SMIM41: variants seen among roughly 807,000 people sequenced by gnomAD.
SMIM41 encodes the protein small integral membrane protein 41.
chr12:52,099,861 C>T (rs907303819), intron 2 of SMIM41, among the ~76,000 whole-genome samples: 7 of 151,854 alleles, frequency 4.6e-5, no homozygotes, highest in African/African-American at 9.7e-5. Context: ...TATCCTCTCC[C>T]GCCCTGAATA....
At position 52,081,064 on chromosome 12, in the gene SMIM41, G is replaced by A. The variant is rs764468492; in HGVS notation, c.*120+883G>A. Among the ~76,000 whole-genome samples the A allele has an allele frequency of 2.0e-5, 3 of 152,132 alleles. No individual in the cohort carries two copies. Among genetic ancestry groups the A allele is most frequent in the Non-Finnish European group, 4.4e-5 (3 of 67,978 alleles). ...GGGTGTCTCCCTCTGTCTCTCCAAGGACAGGAGCCATCTGGAGGGAAGGGC... is the reference window on the plus strand; with the variant it reads ...GGGTGTCTCCCTCTGTCTCTCCAAGAACAGGAGCCATCTGGAGGGAAGGGC... On this transcript the variant is annotated intron_variant, in intron 1 of 2. Coordinates refer to ENST00000546390, the MANE Select transcript of SMIM41 (RefSeq NM_001369216.1). This position sits in a 1 kb window ranked among gnomAD's most constrained non-coding sequence, Gnocchi z 4.1.
intron 2 of SMIM41, among the ~76,000 whole-genome samples, chr12:52,104,514 G>A (rs1309333196): frequency 6.6e-6 from 1 of 152,124 alleles, no homozygotes; most frequent in African/African-American, 2.4e-5. Context: ...CCAGCAGAGG[G>A]GAAGGGCAGT....
chr12:52,105,214 C>A (rs2120731173), intron 2 of SMIM41, among the ~76,000 whole-genome samples: 1 of 152,320 alleles, frequency 6.6e-6, no homozygotes, highest in South Asian at 2.1e-4. Context: ...GTGGGTGCCA[C>A]AATCACTGTG....
intron 2 of SMIM41, among the ~76,000 whole-genome samples, chr12:52,091,510 TGCA>T (rs1162916429): frequency 1.3e-5 from 2 of 152,246 alleles, no homozygotes; most frequent in African/African-American, 4.8e-5. Context: ...TGGACCGGTT[TGCA>T]TGATAAGAGC....
At chr12:52,103,382 A>C (rs926541879) in intron 2 of SMIM41, among the ~76,000 whole-genome samples, 65 of 150,338 alleles carry the variant, frequency 4.3e-4, no homozygotes, top group Non-Finnish European at 3.4e-4. Context: ...ACCAAAAAAC[A>C]AAACAGACAG....
intron 2 of SMIM41, among the ~76,000 whole-genome samples, chr12:52,086,494 A>G (rs944991729): frequency 3.3e-5 from 5 of 152,204 alleles, no homozygotes; most frequent in Non-Finnish European, 7.3e-5. Flanking sequence ...AAAATAAAAC[A>G]AACACGCAAA....
intron 2 of SMIM41, chr12:52,087,579 C>T (rs962324686): frequency 1.3e-5 from 2 of 152,498 alleles, no homozygotes; most frequent in African/African-American, 2.4e-5. Flanking sequence ...CCTCCTGCTC[C>T]TGTGGCAGTT....
intron 2 of SMIM41, chr12:52,084,672 AG>A (rs1939867591): frequency 6.5e-6 from 1 of 152,894 alleles, no homozygotes; most frequent in Non-Finnish European, 1.5e-5. Flanking sequence ...CTTCGGAAGC[AG>A]GGGGGCTGGG....
At chr12:52,087,225 G>A (rs200826584) in intron 2 of SMIM41, among the ~76,000 whole-genome samples, 22 of 152,236 alleles carry the variant, frequency 1.4e-4, no homozygotes, top group East Asian at 1.4e-3. Context: ...GAGCCACCCC[G>A]CTTCCTCCTT....
intron 2 of SMIM41, among the ~76,000 whole-genome samples, chr12:52,090,780 T>A (rs1334597386): frequency 2.6e-5 from 4 of 152,146 alleles, no homozygotes; most frequent in Non-Finnish European, 5.9e-5. Context: ...TTGTTGGAAA[T>A]CCATAGGTGG....
chr12:52,083,569 C>T (rs1445261034), intron 1 of SMIM41, among the ~76,000 whole-genome samples: 1 of 152,166 alleles, frequency 6.6e-6, no homozygotes, highest in African/African-American at 2.4e-5. Context: ...GAAAGCCACC[C>T]TCACGCCAGC....
intron 2 of SMIM41, among the ~76,000 whole-genome samples, chr12:52,093,079 T>C (rs1368448558): frequency 5.3e-5 from 8 of 152,076 alleles, no homozygotes; most frequent in Non-Finnish European, 5.9e-5. Flanking sequence ...ACAGCTGTAG[T>C]CCCAGCTACT....
At chr12:52,083,322 A>T (rs1261617559) in intron 1 of SMIM41, among the ~76,000 whole-genome samples, 3 of 152,202 alleles carry the variant, frequency 2.0e-5, no homozygotes, top group Non-Finnish European at 4.4e-5. Context: ...GGAATGCTGC[A>T]TCGCTTTCTG....
chr12:52,105,335 C>T (rs1349579826), intron 2 of SMIM41, among the ~76,000 whole-genome samples: 1 of 152,244 alleles, frequency 6.6e-6, no homozygotes. Flanking sequence ...TTCCTTACAG[C>T]TCTCGACTTC....
In SMIM41 at chr12:52,079,952, T is replaced by G. The variant is rs1939793333; in HGVS notation, c.173T>G (p.Leu58Arg). Residue 58 changes from leucine to arginine, a missense_variant, in exon 1 of 3, where the codon CTC becomes CGC. Coordinates refer to ENST00000546390, the MANE Select transcript of SMIM41 (RefSeq NM_001369216.1). ...GGGGTCCTGTTCCTGGGCGGCGGCC[T>G]CCTCCTCCGCGCCCAGGGCCTGACA... ...LCGVLFLGGG[L>R]LLRAQGLTAL... 5.2e-6 allele frequency: 2 copies of G among 384,952 alleles called. No homozygotes were observed. The highest frequency in any genetic ancestry group is 9.0e-5 in the Admixed American group (2 of 22,230). 23.8% of individuals were successfully genotyped at this position (384,952 alleles called of 1,614,324 possible). A position where few individuals can be genotyped will look rare whatever the true frequency, so the allele number is the denominator to read the frequency against.
chr12:52,097,873 C>T (rs764376838), intron 2 of SMIM41, among the ~76,000 whole-genome samples: 21 of 151,922 alleles, frequency 1.4e-4, no homozygotes, highest in Non-Finnish European at 2.9e-4. Context: ...ATTTTCTTCC[C>T]CGCTGGATAT....
chr12:52,086,608 G>C (rs1398803795), intron 2 of SMIM41, among the ~76,000 whole-genome samples: 1 of 152,176 alleles, frequency 6.6e-6, no homozygotes, highest in Non-Finnish European at 1.5e-5. Flanking sequence ...GGCTGCAGCC[G>C]CACGCCCACG....
intron 2 of SMIM41, among the ~76,000 whole-genome samples, chr12:52,084,217 T>C (rs1939858892): frequency 6.6e-6 from 1 of 151,578 alleles, no homozygotes; most frequent in Admixed American, 6.6e-5. Flanking sequence ...CTACTAAAAA[T>C]ACAAAAATTA....
intron 2 of SMIM41, among the ~76,000 whole-genome samples, chr12:52,098,738 G>C (rs1309300937): frequency 1.4e-5 from 2 of 143,478 alleles, no homozygotes; most frequent in East Asian, 1.9e-4. Flanking sequence ...ATATCACGGG[G>C]GGGGGGGTGT....
Sources: allele counts gnomAD v4.1 joint callset (sites outside exome capture counted in the v4.1 genomes callset), GRCh38; gene constraint gnomAD v4.1.1; non-coding constraint Gnocchi (gnomAD v3.1); transcripts MANE v1.5; gene names NCBI Gene and HGNC (gene_info 2026-07-23, HGNC 2026-07-21).